SNAP25: variants seen among roughly 807,000 people sequenced by gnomAD.
SNAP25 encodes the protein synaptosome associated protein 25, also known as synaptosomal-associated protein 25.
A neutral mutation model predicts 28.7 loss-of-function variants in SNAP25; 3 were observed. The ratio of observed to expected loss-of-function variants is 0.10; its 90% CI spans 0.05 to 0.27. SNAP25 has a LOEUF of 0.27. Among genes scored for constraint, SNAP25 ranks in the 10% least tolerant of loss-of-function variants. The pLI, the probability that SNAP25 is intolerant of heterozygous loss-of-function variation, is 1.00. For synonymous variants in SNAP25, 61 were observed against 88.1 expected (o/e 0.69, Z 1.72); for missense variants, 117 against 278.7 (o/e 0.42, Z 4.13).
chr20:10,292,232 G>A (rs2064012791), intron 4 of SNAP25, among the ~76,000 whole-genome samples: 1 of 152,218 alleles, frequency 6.6e-6, no homozygotes, highest in Non-Finnish European at 1.5e-5. Context: ...GGATGATAGA[G>A]GAATTGCAAT....
In SNAP25 at chr20:10,293,908, C is replaced by T. The variant is rs1474072340; in HGVS notation, c.281+630C>T. Among the ~76,000 whole-genome samples the T allele has an allele frequency of 6.6e-6, 1 of 152,066 alleles. No individual in the cohort carries two copies. The highest frequency in any genetic ancestry group is 1.5e-5 in the Non-Finnish European group (1 of 68,002). On this transcript the variant is annotated intron_variant, in intron 5 of 7. Transcript: ENST00000254976. The surrounding 1 kb of genome is among the most constrained non-coding windows in gnomAD (Gnocchi z 5.6). ...AAATTTTTCTCCTTGGAAGATCTAC[C>T]CGTACACTGGCTGAAATGTTGAAAT...
intron 4 of SNAP25, among the ~76,000 whole-genome samples, chr20:10,291,211 T>C (rs1210088406): frequency 6.6e-6 from 1 of 152,094 alleles, no homozygotes; most frequent in East Asian, 1.9e-4. Flanking sequence ...GTAGCTGGGA[T>C]TACAGGCGCA....
intron 7 of SNAP25, among the ~76,000 whole-genome samples, chr20:10,303,428 A>G (rs774907588): frequency 2.6e-5 from 4 of 152,204 alleles, no homozygotes; most frequent in African/African-American, 4.8e-5. Flanking sequence ...TTAATCTGGA[A>G]ATATGTTTGT....
At chr20:10,270,925 T>C (rs942542236) in intron 1 of SNAP25, among the ~76,000 whole-genome samples, 1 of 152,188 alleles carries the variant, frequency 6.6e-6, no homozygotes, top group African/African-American at 2.4e-5. Context: ...TCCATGTCAG[T>C]TAACATGAAT....
chr20:10,268,352 G>GT (rs2063538623), intron 1 of SNAP25, among the ~76,000 whole-genome samples: 1 of 152,166 alleles, frequency 6.6e-6, no homozygotes, highest in South Asian at 2.1e-4. Flanking sequence ...CAAGATGTAG[G>GT]TTTTGGCTCT....
In SNAP25 at chr20:10,260,772, A is replaced by G. The variant is rs1334253427; in HGVS notation, c.-63-14657A>G. On this transcript the variant is annotated intron_variant, in intron 1 of 7. Coordinates refer to ENST00000254976, the MANE Select transcript of SNAP25 (RefSeq NM_130811.4). ...CTTATATTATGTGGGATGGTAGTAC[A>G]TTTACAGTATTTCTAGCCAATTTTT... Among the ~76,000 whole-genome samples, 4 of 151,894 alleles carry G rather than the reference A, an allele frequency of 2.6e-5. No individual in the cohort carries two copies. In the East Asian group the frequency reaches 7.7e-4, roughly 29 times the overall value.
At chr20:10,226,367 A>C (rs1374447226) in intron 1 of SNAP25, among the ~76,000 whole-genome samples, 1 of 152,176 alleles carries the variant, frequency 6.6e-6, no homozygotes, top group African/African-American at 2.4e-5. Flanking sequence ...TTCCAATTCC[A>C]TGATCACTGC....
In SNAP25 at chr20:10,224,847, A is replaced by T. The variant is rs550830983; in HGVS notation, c.-64+5870A>T. 4.6e-5 allele frequency among the ~76,000 whole-genome samples: 7 copies of T among 151,976 alleles called. No individual in the cohort carries two copies. The East Asian group carries it at 1.4e-3, about 29-fold the overall frequency. ...CTCCTACAACCTGCCTAAACTTTGT[A>T]TAAATTTCTTTCTAGACCTCTTCTT... On this transcript the variant is annotated intron_variant, in intron 1 of 7. Transcript: ENST00000254976.
chr20:10,262,667 T>C (rs2063435066), intron 1 of SNAP25, among the ~76,000 whole-genome samples: 1 of 151,966 alleles, frequency 6.6e-6, no homozygotes, highest in Non-Finnish European at 1.5e-5. Context: ...GGGATTTATG[T>C]GATAGTGATT....
At chr20:10,266,388 C>T (rs748963770) in intron 1 of SNAP25, among the ~76,000 whole-genome samples, 22 of 152,156 alleles carry the variant, frequency 1.4e-4, no homozygotes, top group Non-Finnish European at 2.9e-4. Flanking sequence ...CCATTACAGT[C>T]AGGGAAAGAG....
Position 10,306,242 on chromosome 20 carries a change from G to C in SNAP25, c.*45G>C. The C allele has an allele frequency of 6.4e-7, 1 of 1,560,052 alleles. No individual in the cohort carries two copies. Among genetic ancestry groups the C allele is most frequent in the South Asian group, 1.1e-5 (1 of 89,516 alleles). The stretch of plus-strand genomic sequence containing the variant: ...CCTCCAAATGCTGTCGGGCAAGATA[G>C]CTCCTTCATGCTTTTCTCATGGTAT... On this transcript the variant is annotated 3_prime_UTR_variant, in exon 8 of 8. Transcript: ENST00000254976.
At chr20:10,277,954 G>A in intron 3 of SNAP25, 1 of 416,948 alleles carries the variant, frequency 2.4e-6, no homozygotes, top group Non-Finnish European at 4.3e-6. Flanking sequence ...GTCTGGTCTG[G>A]GAAGCAGAGA....
At chr20:10,275,103 A>AAATAAAT (rs1221307101) in intron 1 of SNAP25, among the ~76,000 whole-genome samples, 1 of 151,376 alleles carries the variant, frequency 6.6e-6, no homozygotes, top group Non-Finnish European at 1.5e-5. Context: ...ATAAATAAAT[A>AAATAAAT]AATAAATAAA....
chr20:10,286,590 G>C (rs995667594), intron 4 of SNAP25, among the ~76,000 whole-genome samples: 1 of 152,174 alleles, frequency 6.6e-6, no homozygotes, highest in Non-Finnish European at 1.5e-5. Context: ...CCCAGGAAGA[G>C]CCTGGCCTCA....
intron 1 of SNAP25, among the ~76,000 whole-genome samples, chr20:10,240,469 C>G (rs1002930572): frequency 6.6e-6 from 1 of 152,144 alleles, no homozygotes; most frequent in Non-Finnish European, 1.5e-5. Context: ...CACAGGTGCC[C>G]CCCATGCTCA....
At chr20:10,301,626 T>G (rs189726169) in intron 7 of SNAP25, among the ~76,000 whole-genome samples, 1 of 152,030 alleles carries the variant, frequency 6.6e-6, no homozygotes, top group South Asian at 2.1e-4. Context: ...GAGAGTCTTA[T>G]GATGTTTCTC....
At chr20:10,242,381 A>G (rs1042112045) in intron 1 of SNAP25, among the ~76,000 whole-genome samples, 28 of 152,186 alleles carry the variant, frequency 1.8e-4, no homozygotes, top group African/African-American at 6.8e-4. Flanking sequence ...ATTCCAGCAC[A>G]GAGTGGAGGT....
intron 7 of SNAP25, among the ~76,000 whole-genome samples, chr20:10,301,102 G>T (rs2064224836): frequency 6.6e-6 from 1 of 152,224 alleles, no homozygotes; most frequent in South Asian, 2.1e-4. Flanking sequence ...TAATAGAAGG[G>T]TCAAACTCTT....
chr20:10,242,215 G>C (rs1568582257), intron 1 of SNAP25, among the ~76,000 whole-genome samples: 1 of 152,192 alleles, frequency 6.6e-6, no homozygotes, highest in Non-Finnish European at 1.5e-5. Context: ...GAGGGGGAAA[G>C]AATGGGGCGG....
Sources: gnomAD v4.1 joint callset for allele counts (sites outside exome capture counted in the v4.1 genomes callset) on GRCh38, gnomAD v4.1.1 for gene constraint, Gnocchi (gnomAD v3.1) non-coding constraint, MANE v1.5 for transcripts, NCBI Gene and HGNC (gene_info 2026-07-23, HGNC 2026-07-21) for gene names.